SGSM3: variants seen among roughly 807,000 people sequenced by gnomAD.
The protein encoded by SGSM3 is small G protein signaling modulator 3.
SGSM3 carries 96 observed loss-of-function variants against 100.5 expected under a neutral mutation model. That is an observed-to-expected ratio of 0.96 (90% CI 0.81 to 1.13). SGSM3 has a LOEUF of 1.13. Among genes scored for constraint, SGSM3 ranks in the 50% most tolerant of loss-of-function variants. The probability of loss-of-function intolerance (pLI) is 0.00; values close to 1 mark genes in which losing one functional copy is unlikely to be tolerated. For synonymous variants in SGSM3, 483 were observed against 422.8 expected, an observed-to-expected ratio of 1.14 and a Z score of -1.75; for missense variants, 1,001 against 1,015.8, an observed-to-expected ratio of 0.99 and a Z score of 0.20.
At position 40,390,890 on chromosome 22, in the gene SGSM3, C is replaced by G. The variant is rs534948421; in HGVS notation, c.-111-9806C>G. ...AGAGCGTGTTGTACATCGGGACCTT[C>G]TAAGAGTTTGCTGTGCTTATTCATC... is the stretch of plus-strand genomic sequence containing the variant. On this transcript the variant is annotated intron_variant, in intron 1 of 21. Transcript: ENST00000248929. Among the ~76,000 whole-genome samples, 46 of 152,296 alleles carry G rather than the reference C, an allele frequency of 3.0e-4. 1 individual carries two copies. Among genetic ancestry groups the G allele is most frequent in the Middle Eastern group, 3.4e-3 (1 of 294 alleles).
In SGSM3 at chr22:40,386,847, A is replaced by G. The variant is rs2048545660; in HGVS notation, c.-111-13849A>G. Among the ~76,000 whole-genome samples, 4 of 152,062 alleles carry G rather than the reference A, an allele frequency of 2.6e-5. No homozygotes were observed. The South Asian group carries it at 8.3e-4, about 32-fold the overall frequency. On this transcript the variant is annotated intron_variant, in intron 1 of 21. Coordinates refer to ENST00000248929, the MANE Select transcript of SGSM3 (RefSeq NM_015705.6). ...TACTAAAGAAGTTAATGGTCTCTAA[A>G]TATAGGTGCAGATCTGTTAGAGAAG...
chr22:40,396,240 C>T (rs192502820), intron 1 of SGSM3, among the ~76,000 whole-genome samples: 1 of 152,122 alleles, frequency 6.6e-6, no homozygotes, highest in African/African-American at 2.4e-5. Flanking sequence ...TTCAAGTGTC[C>T]TCTTCCCCTC....
chr22:40,382,728 T>C (rs1046005791), intron 1 of SGSM3, among the ~76,000 whole-genome samples: 3 of 152,330 alleles, frequency 2.0e-5, no homozygotes, highest in Non-Finnish European at 2.9e-5. Flanking sequence ...AAGAAGAGCA[T>C]GTGTGAGATA....
chr22:40,407,708 C>T lies in SGSM3; in HGVS notation c.1525-81C>T. The T allele has an allele frequency of 6.3e-7, 1 of 1,587,396 alleles. No individual in the cohort carries two copies. The highest frequency in any genetic ancestry group is 1.3e-5 in the African/African-American group (1 of 74,492). Reference sequence around the variant, plus strand: ...TAGGGGTCTTGGCCTGGCCTAGTTGCTGAGGAGTCATATCGGGGGTGCAGG... The same window carrying T: ...TAGGGGTCTTGGCCTGGCCTAGTTGTTGAGGAGTCATATCGGGGGTGCAGG... On this transcript the variant is annotated intron_variant, in intron 13 of 21. Coordinates refer to ENST00000248929, the MANE Select transcript of SGSM3 (RefSeq NM_015705.6). This position sits in a 1 kb window ranked among gnomAD's most constrained non-coding sequence, Gnocchi z 4.7.
intron 1 of SGSM3, among the ~76,000 whole-genome samples, chr22:40,392,881 A>G (rs2049542065): frequency 6.6e-6 from 1 of 152,108 alleles, no homozygotes; most frequent in Admixed American, 6.6e-5. Flanking sequence ...ATCTACTTTC[A>G]GTCTTTATGG....
At chr22:40,393,805 T>G (rs1386498705) in intron 1 of SGSM3, among the ~76,000 whole-genome samples, 1 of 152,194 alleles carries the variant, frequency 6.6e-6, no homozygotes, top group Non-Finnish European at 1.5e-5. Context: ...GTCAAGCCCC[T>G]TTAGGAGGGG....
rs2052405654 is a variant in SGSM3 at position 40,410,092 on chromosome 22, T to TGTC, written c.*334_*336dup. ...GCCTCTTTGGTTTATAAATAAACTG[T>TGTC]GTCTGTCTTTGAGAAAGCACCTACC... is the stretch of plus-strand genomic sequence containing the variant. On this transcript the variant is annotated 3_prime_UTR_variant, in exon 22 of 22. Coordinates refer to ENST00000248929, the MANE Select transcript of SGSM3 (RefSeq NM_015705.6). 1 of 1,151,796 alleles carries TGTC rather than the reference T, an allele frequency of 8.7e-7. No homozygotes were observed. The highest frequency in any genetic ancestry group is 7.3e-5 in the Admixed American group (1 of 13,690). The allele number at this position is 1,151,796 out of a possible 1,614,324, so 71.3% of individuals were successfully genotyped here. A position where few individuals can be genotyped will look rare whatever the true frequency, so the allele number is the denominator to read the frequency against.
chr22:40,398,894 G>C (rs966580152), intron 1 of SGSM3, among the ~76,000 whole-genome samples: 1 of 140,494 alleles, frequency 7.1e-6, no homozygotes, highest in Non-Finnish European at 1.5e-5. Flanking sequence ...AACTGATACA[G>C]ACGTGAAGTA....
chr22:40,410,289 CTGTGTTTT>C (rs762387928), downstream of SGSM3: 2 of 595,202 alleles, frequency 3.4e-6, no homozygotes, highest in Non-Finnish European at 4.4e-6. Flanking sequence ...ACTAACAGGC[CTGTGTTTT>C]TGTGTTTATT....
At chr22:40,397,715 C>G (rs1476427953) in intron 1 of SGSM3, among the ~76,000 whole-genome samples, 5 of 152,190 alleles carry the variant, frequency 3.3e-5, no homozygotes, top group Non-Finnish European at 7.3e-5. Context: ...TGCCTTGCAG[C>G]TGTTTCAGCA....
intron 3 of SGSM3, 148 bp downstream of exon 3, chr22:40,401,823 C>T: frequency 1.4e-6 from 1 of 697,584 alleles, no homozygotes; most frequent in Non-Finnish European, 2.6e-6. Context: ...CCCCATGTTT[C>T]CTGTGTGAAT....
In SGSM3 at chr22:40,406,166, T is replaced by A; in HGVS notation, c.903T>A (p.Phe301Leu). The change falls in exon 9 of 22, where the codon TTT becomes TTA. Residue 301 changes from phenylalanine (F) to leucine (L), a missense_variant. Phe to Leu is a conservative substitution (Grantham distance 22). Transcript: ENST00000248929. ...IKLLLRIWDL[F>L]FYEGSRVLFQ... ...TGCTCCTGCGCATCTGGGACCTGTT[T>A]TTCTACGAGGGCTCCCGGGTGCTGT... The A allele has an allele frequency of 6.2e-7, 1 of 1,614,128 alleles. No homozygotes were observed. The highest frequency in any genetic ancestry group is 1.1e-5 in the South Asian group (1 of 91,086).
intron 7 of SGSM3, 32 bp downstream of exon 7, chr22:40,405,316 C>A (rs775507490): frequency 6.9e-7 from 1 of 1,445,966 alleles, no homozygotes; most frequent in East Asian, 2.6e-5. Flanking sequence ...GCAGTGGCAG[C>A]CCCAGGACCC....
chr22:40,409,018 AGT>A lies in SGSM3; in HGVS notation c.1988+2_1988+3del. 2.6e-6 allele frequency: 4 copies of A among 1,562,168 alleles called. No homozygotes were observed. Among genetic ancestry groups the A allele is most frequent in the Non-Finnish European group, 3.5e-6 (4 of 1,153,100 alleles). ...CGCTCACTGATCTGCGTGGGGCTCAAGTGAGTGTGGAAAAGGGGTTGGAGGAG... is the reference window on the plus strand; with the variant it reads ...CGCTCACTGATCTGCGTGGGGCTCAAGAGTGTGGAAAAGGGGTTGGAGGAG... On this transcript the variant is annotated splice_donor_variant, in intron 19 of 21. Transcript: ENST00000248929. LOFTEE classifies it high-confidence loss of function.
chr22:40,395,625 GC>G lies in SGSM3; in HGVS notation c.-111-5067del, dbSNP rs1331670774. Among the ~76,000 whole-genome samples, 18 of 151,666 alleles carry G rather than the reference GC, an allele frequency of 1.2e-4. 1 individual carries two copies. Reference sequence around the variant, plus strand: ...GTATGAGCCACTGTGCCCAGCCCCTGCCCCGTAACTCTTAACTTCTTAACTT... The same window carrying G: ...GTATGAGCCACTGTGCCCAGCCCCTGCCCGTAACTCTTAACTTCTTAACTT... On this transcript the variant is annotated intron_variant, in intron 1 of 21. Transcript: ENST00000248929.
chr22:40,399,852 T>A (rs537127070), intron 1 of SGSM3, among the ~76,000 whole-genome samples: 1 of 152,346 alleles, frequency 6.6e-6, no homozygotes, highest in East Asian at 1.9e-4. Context: ...TACCAAAGCC[T>A]CTGTAACAGT....
intron 1 of SGSM3, among the ~76,000 whole-genome samples, chr22:40,375,604 C>T (rs2046415740): frequency 6.6e-6 from 1 of 151,220 alleles, no homozygotes; most frequent in African/African-American, 2.4e-5. Flanking sequence ...GAGATTGACA[C>T]CCCCAATTCA....
rs773271072 is a variant in SGSM3 at position 40,408,993 on chromosome 22, C to T, written c.1963C>T (p.Arg655Cys). ...GCATGCACAAATGGATGTGAAGCTC[C>T]GCTCACTGATCTGCGTGGGGCTCAA... ...AVHAQMDVKL[R>C]SLICVGLNEQ... The change falls in exon 19 of 22, where the codon CGC becomes TGC. Residue 655 changes from arginine to cysteine, a missense_variant. Physicochemically the swap from Arg to Cys is radical, Grantham distance 180. Coordinates refer to ENST00000248929, the MANE Select transcript of SGSM3 (RefSeq NM_015705.6). The T allele has an allele frequency of 9.7e-5, 154 of 1,579,708 alleles. No individual in the cohort carries two copies. Among genetic ancestry groups the T allele is most frequent in the Middle Eastern group, 1.7e-4 (1 of 5,944 alleles).
At chr22:40,380,586 C>T (rs183667395) in intron 1 of SGSM3, among the ~76,000 whole-genome samples, 1 of 152,172 alleles carries the variant, frequency 6.6e-6, no homozygotes, top group East Asian at 1.9e-4. Context: ...AGGCTGGTCT[C>T]GAACTCCTGA....
Sources: allele counts gnomAD v4.1 joint callset (sites outside exome capture counted in the v4.1 genomes callset), GRCh38; gene constraint gnomAD v4.1.1; non-coding constraint Gnocchi (gnomAD v3.1); transcripts MANE v1.5; gene names NCBI Gene and HGNC (gene_info 2026-07-23, HGNC 2026-07-21).